The following NTM variants were observed in gnomAD, a reference collection of about 807,000 sequenced individuals.
NTM encodes the protein IgLON family member 2.
In NTM, 13 loss-of-function variants were observed where a neutral mutation model predicts 42.1. The observed-to-expected ratio is 0.31, with a 90% CI of 0.20 to 0.49. The LOEUF (loss-of-function observed/expected upper bound fraction) is 0.49, where lower values mean the gene tolerates loss of function less well. Ranked by LOEUF, NTM falls within the 20% of genes least tolerant of loss-of-function variation. The pLI is 0.99. For missense variants in NTM, 373 were observed against 452.8 expected (o/e 0.82, Z 1.60); for synonymous variants, 187 against 179.2 (o/e 1.04, Z -0.35).
At chr11:131,711,411 C>T (rs1488445154) in intron 1 of NTM, among the ~76,000 whole-genome samples, 2 of 152,172 alleles carry the variant, frequency 1.3e-5, no homozygotes, top group Non-Finnish European at 2.9e-5. Context: ...CAGAGAAATG[C>T]AAATCAAAAC....
intron 3 of NTM, among the ~76,000 whole-genome samples, chr11:132,211,391 C>T (rs1187510416): frequency 6.6e-6 from 1 of 152,146 alleles, no homozygotes; most frequent in African/African-American, 2.4e-5. Flanking sequence ...CAAAGTGAAA[C>T]CCTGTCTCAA....
At chr11:132,325,122 T>A (rs2095651348) in intron 7 of NTM, among the ~76,000 whole-genome samples, 1 of 152,124 alleles carries the variant, frequency 6.6e-6, no homozygotes, top group Non-Finnish European at 1.5e-5. Context: ...AAGGACTTCA[T>A]GTCTAAAACA....
chr11:131,492,233 G>C (rs761549689), intron 1 of NTM, among the ~76,000 whole-genome samples: 12 of 152,178 alleles, frequency 7.9e-5, no homozygotes, highest in Non-Finnish European at 1.6e-4. Context: ...AAAGTTGGCA[G>C]GGCAGTTACT....
chr11:131,906,702 C>T (rs1016916544), intron 1 of NTM, among the ~76,000 whole-genome samples: 10 of 152,164 alleles, frequency 6.6e-5, no homozygotes, highest in African/African-American at 9.7e-5. Flanking sequence ...CACCATCGCT[C>T]TGCTTTATGC....
At chr11:132,242,278 A>C (rs2090338853) in intron 4 of NTM, among the ~76,000 whole-genome samples, 1 of 152,178 alleles carries the variant, frequency 6.6e-6, no homozygotes. Flanking sequence ...TTAACAATTA[A>C]AGTACACACA....
At chr11:131,387,882 C>A (rs1943522227) in intron 1 of NTM, among the ~76,000 whole-genome samples, 1 of 152,198 alleles carries the variant, frequency 6.6e-6, no homozygotes, top group Non-Finnish European at 1.5e-5. Flanking sequence ...TTCCTGGGGA[C>A]CCCGGTTTCT....
intron 1 of NTM, among the ~76,000 whole-genome samples, chr11:131,396,813 A>AG (rs767268863): frequency 6.6e-6 from 1 of 151,736 alleles, no homozygotes; most frequent in Non-Finnish European, 1.5e-5. Flanking sequence ...CAGCCCGGGC[A>AG]ACAGAGTGAA....
rs778161306 is a variant in NTM at position 132,157,801 on chromosome 11, C to T, written c.400+11287C>T. Among the ~76,000 whole-genome samples the T allele has an allele frequency of 2.0e-5, 3 of 152,166 alleles. No individual in the cohort carries two copies. In the South Asian group the frequency reaches 6.2e-4, roughly 32 times the overall value. ...TAAACCTGCTCCTCCTGGAGTCTTG[C>T]CATCTGGTAAATGGCAATTGCATTC... On this transcript the variant is annotated intron_variant, in intron 3 of 8. Transcript: ENST00000683400.
At chr11:131,370,996 G>A in intron 1 of NTM, 108 bp downstream of exon 1, 5 of 1,547,188 alleles carry the variant, frequency 3.2e-6, no homozygotes, top group South Asian at 1.2e-5. Flanking sequence ...TTTGCAGGTG[G>A]AGGAGAGAGC....
At chr11:131,644,242 G>C (rs1272870645) in intron 1 of NTM, among the ~76,000 whole-genome samples, 4 of 152,128 alleles carry the variant, frequency 2.6e-5, no homozygotes. Context: ...ATGCTCAGAG[G>C]GACCCATTAG....
intron 1 of NTM, among the ~76,000 whole-genome samples, chr11:131,785,323 G>T (rs993820855): frequency 2.0e-4 from 30 of 152,320 alleles, no homozygotes; most frequent in African/African-American, 7.2e-4. Flanking sequence ...AAGCAGAAAT[G>T]AAGACGATAT....
chr11:131,712,039 G>A (rs998358546), intron 1 of NTM, among the ~76,000 whole-genome samples: 1 of 148,606 alleles, frequency 6.7e-6, no homozygotes, highest in Non-Finnish European at 1.5e-5. Context: ...GCTAAATGAC[G>A]AGTTAACGGG....
chr11:132,282,058 A>G (rs1486961346), intron 4 of NTM, among the ~76,000 whole-genome samples: 1 of 152,130 alleles, frequency 6.6e-6, no homozygotes, highest in Non-Finnish European at 1.5e-5. Context: ...ACTAGTTGCT[A>G]TTTTACCTCA....
At chr11:132,116,125 G>T (rs2063853621) in intron 2 of NTM, among the ~76,000 whole-genome samples, 1 of 152,220 alleles carries the variant, frequency 6.6e-6, no homozygotes, top group African/African-American at 2.4e-5. Flanking sequence ...GTTGGACTTG[G>T]TTGCACATGT....
intron 1 of NTM, among the ~76,000 whole-genome samples, chr11:131,893,299 A>C (rs2051679754): frequency 6.6e-6 from 1 of 152,234 alleles, no homozygotes; most frequent in African/African-American, 2.4e-5. Flanking sequence ...AAGCCCACTC[A>C]TGCAAATACA....
At chr11:131,400,242 C>T (rs1033188538) in intron 1 of NTM, among the ~76,000 whole-genome samples, 3 of 152,110 alleles carry the variant, frequency 2.0e-5, no homozygotes, top group Non-Finnish European at 4.4e-5. Context: ...TGTGTCCCCT[C>T]AGTTTACCAG....
rs181909468 is a variant in NTM at position 132,214,841 on chromosome 11, G to T, written c.526+2694G>T. On this transcript the variant is annotated intron_variant, in intron 4 of 8. Coordinates refer to ENST00000683400, the MANE Select transcript of NTM (RefSeq NM_001352005.2). ...GAAAGAGGAGCAGGACAATCAGAATGTACCTGTGGATTAATTTACATGAAC... is the reference window on the plus strand; with the variant it reads ...GAAAGAGGAGCAGGACAATCAGAATTTACCTGTGGATTAATTTACATGAAC... 7.4e-4 allele frequency among the ~76,000 whole-genome samples: 113 copies of T among 152,312 alleles called. 1 individual carries two copies. The highest frequency in any genetic ancestry group is 5.5e-3 in the Admixed American group (84 of 15,306).
chr11:131,773,196 G>T (rs1359600648), intron 1 of NTM, among the ~76,000 whole-genome samples: 1 of 152,188 alleles, frequency 6.6e-6, no homozygotes, highest in Non-Finnish European at 1.5e-5. Flanking sequence ...GTGCCTTGTT[G>T]CTGTGTCCTC....
chr11:131,415,468 A>T (rs1271821506), intron 1 of NTM, among the ~76,000 whole-genome samples: 1 of 152,248 alleles, frequency 6.6e-6, no homozygotes, highest in African/African-American at 2.4e-5. Flanking sequence ...TTGCTTGAGA[A>T]TATAATCATA....
Sources: allele counts gnomAD v4.1 joint callset (sites outside exome capture counted in the v4.1 genomes callset), GRCh38; gene constraint gnomAD v4.1.1; transcripts MANE v1.5; gene names NCBI Gene and HGNC (gene_info 2026-07-23, HGNC 2026-07-21).